Variants in TRPM3 observed in about 807,000 individuals in gnomAD.
TRPM3 encodes transient receptor potential cation channel subfamily M member 3.
TRPM3 carries 77 observed loss-of-function variants against 181.2 expected under a neutral mutation model. The ratio of observed to expected loss-of-function variants is 0.42; its 90% confidence interval spans 0.35 to 0.51. TRPM3 has a LOEUF of 0.51. Among genes scored for constraint, TRPM3 ranks in the 20% least tolerant of loss-of-function variants. The pLI, the probability that TRPM3 is intolerant of heterozygous loss-of-function variation, is 0.01. For synonymous variants in TRPM3, 745 were observed against 796.4 expected (o/e 0.94, Z 1.09); for missense variants, 1,759 against 2,196.7 (o/e 0.80, Z 3.98).
chr9:70,978,685 G>T (rs900600880), intron 1 of TRPM3, among the ~76,000 whole-genome samples: 1 of 152,138 alleles, frequency 6.6e-6, no homozygotes, highest in Admixed American at 6.5e-5. Context: ...TTAATGTGCC[G>T]TCGGCATAAT....
intron 7 of TRPM3, among the ~76,000 whole-genome samples, chr9:70,767,538 T>C (rs1489829301): frequency 6.6e-6 from 1 of 152,160 alleles, no homozygotes; most frequent in African/African-American, 2.4e-5. Context: ...GGTCAAGAAT[T>C]TAGGCAGGCA....
chr9:70,696,430 G>T (rs1297308202), intron 8 of TRPM3, among the ~76,000 whole-genome samples: 1 of 152,100 alleles, frequency 6.6e-6, no homozygotes, highest in Admixed American at 6.6e-5. Context: ...TGCTGTCCTG[G>T]GACACTCAGA....
chr9:71,376,321 T>G (rs1473126636), intron 1 of TRPM3, among the ~76,000 whole-genome samples: 3 of 152,076 alleles, frequency 2.0e-5, no homozygotes, highest in Non-Finnish European at 2.9e-5. Flanking sequence ...TTAAGGCAAA[T>G]TCTTGTAATT....
intron 19 of TRPM3, among the ~76,000 whole-genome samples, chr9:70,606,637 G>GTT (rs1427264757): frequency 8.2e-5 from 5 of 61,310 alleles, no homozygotes; most frequent in East Asian, 2.2e-3. Flanking sequence ...AATTGTGTGT[G>GTT]TGTGTGTGTG....
At chr9:70,663,984 T>TATC (rs2061467483) in intron 9 of TRPM3, among the ~76,000 whole-genome samples, 3 of 152,240 alleles carry the variant, frequency 2.0e-5, no homozygotes. Context: ...ATGTCAATAA[T>TATC]ATCTTCTTCA....
intron 1 of TRPM3, among the ~76,000 whole-genome samples, chr9:71,081,686 C>T (rs917600430): frequency 3.3e-5 from 5 of 152,258 alleles, no homozygotes; most frequent in Admixed American, 3.3e-4. Flanking sequence ...CACACATACA[C>T]ACACACAAAC....
At chr9:71,366,982 G>A (rs1027765841) in intron 1 of TRPM3, among the ~76,000 whole-genome samples, 56 of 152,154 alleles carry the variant, frequency 3.7e-4, no homozygotes, top group African/African-American at 1.3e-3. Context: ...CAGGCAGATA[G>A]AGGCATTAAC....
At chr9:70,582,176 C>CTGTGTGTG (rs1198403990) in intron 22 of TRPM3, among the ~76,000 whole-genome samples, 9 of 77,926 alleles carry the variant, frequency 1.2e-4, no homozygotes, top group Non-Finnish European at 2.1e-4. Flanking sequence ...CGCCTCCACC[C>CTGTGTGTG]TGTGCGTGTG....
At chr9:70,925,802 G>T (rs1234841958) in intron 1 of TRPM3, among the ~76,000 whole-genome samples, 1 of 152,024 alleles carries the variant, frequency 6.6e-6, no homozygotes, top group South Asian at 2.1e-4. Flanking sequence ...GTCAATACAG[G>T]TTAGTAGTTC....
chr9:70,758,687 A>C (rs2077525286), intron 8 of TRPM3, among the ~76,000 whole-genome samples: 1 of 152,202 alleles, frequency 6.6e-6, no homozygotes, highest in Admixed American at 6.5e-5. Context: ...CAAATCTACA[A>C]CGATCTGATC....
At chr9:70,856,305 G>C (rs2095385757) in intron 3 of TRPM3, among the ~76,000 whole-genome samples, 1 of 152,178 alleles carries the variant, frequency 6.6e-6, no homozygotes, top group Non-Finnish European at 1.5e-5. Context: ...GTGGTCTTCA[G>C]ATTACAAGGT....
At chr9:70,587,781 G>A (rs1414993687) in intron 22 of TRPM3, among the ~76,000 whole-genome samples, 4 of 152,170 alleles carry the variant, frequency 2.6e-5, no homozygotes, top group Non-Finnish European at 5.9e-5. Flanking sequence ...ATTGGTTCTT[G>A]GAGAGCTAGG....
intron 25 of TRPM3, 65 bp downstream of exon 25, chr9:70,549,477 A>T: frequency 6.5e-7 from 1 of 1,538,154 alleles, no homozygotes; most frequent in South Asian, 1.3e-5. Flanking sequence ...GTGTGAATAA[A>T]TTCGATGGAT....
intron 1 of TRPM3, among the ~76,000 whole-genome samples, chr9:71,132,224 A>G (rs987661072): frequency 6.6e-6 from 1 of 152,224 alleles, no homozygotes; most frequent in Non-Finnish European, 1.5e-5. Context: ...TGAGAATCCG[A>G]GAATATAGGT....
At chr9:71,040,156 A>C (rs1411164) in intron 1 of TRPM3, among the ~76,000 whole-genome samples, 9,966 of 152,262 alleles carry the variant, frequency 0.065, 360 homozygotes, top group Middle Eastern at 0.099. Context: ...ATCTTACACA[A>C]ACAAGTTTAT....
intron 1 of TRPM3, among the ~76,000 whole-genome samples, chr9:71,238,916 A>G (rs1460050351): frequency 3.3e-5 from 5 of 152,174 alleles, no homozygotes; most frequent in Non-Finnish European, 5.9e-5. Flanking sequence ...CCTAAGAGGT[A>G]TTAATATTCT....
chr9:71,365,827 G>A (rs1053248480), intron 1 of TRPM3, among the ~76,000 whole-genome samples: 2 of 151,866 alleles, frequency 1.3e-5, no homozygotes, highest in Admixed American at 6.6e-5. Context: ...CGAATACAGA[G>A]GCAAACAAAA....
intron 1 of TRPM3, among the ~76,000 whole-genome samples, chr9:71,413,016 C>T (rs1334605171): frequency 6.6e-6 from 1 of 152,102 alleles, no homozygotes; most frequent in Admixed American, 6.6e-5. Context: ...CCAAACACCG[C>T]ATGTTCTCAC....
chr9:71,118,715 C>T (rs1160635585), intron 1 of TRPM3, among the ~76,000 whole-genome samples: 3 of 151,782 alleles, frequency 2.0e-5, no homozygotes, highest in Admixed American at 6.6e-5. Context: ...GGCTTTGTTA[C>T]CTTAAGATTT....
Sources: gnomAD v4.1 joint callset for allele counts (sites outside exome capture counted in the v4.1 genomes callset) on GRCh38, gnomAD v4.1.1 for gene constraint, MANE v1.5 for transcripts, NCBI Gene and HGNC (gene_info 2026-07-23, HGNC 2026-07-21) for gene names.